Variants in ARHGAP15 observed in about 807,000 individuals in gnomAD.
The protein encoded by ARHGAP15 is Rho GTPase activating protein 15.
A neutral mutation model predicts 63.7 loss-of-function variants in ARHGAP15; 51 were observed. The observed-to-expected ratio is 0.80, with a 90% confidence interval of 0.64 to 1.01. The LOEUF (loss-of-function observed/expected upper bound fraction) is 1.01. ARHGAP15 is among the 50% of genes least tolerant of loss of function. The probability of loss-of-function intolerance (pLI) is 0.00; values close to 1 mark genes in which losing one functional copy is unlikely to be tolerated. For synonymous variants in ARHGAP15, 191 were observed against 193.8 expected, an observed-to-expected ratio of 0.99 and a Z score of 0.12; for missense variants, 560 against 564.6, an observed-to-expected ratio of 0.99 and a Z score of 0.08.
chr2:143,552,122 T>C (rs1574623851), intron 10 of ARHGAP15, among the ~76,000 whole-genome samples: 1 of 152,326 alleles, frequency 6.6e-6, no homozygotes, highest in East Asian at 1.9e-4. Flanking sequence ...TCTGGCCTCC[T>C]AGGAATTAGG....
chr2:143,400,784 A>G (rs1687958286), intron 6 of ARHGAP15, among the ~76,000 whole-genome samples: 1 of 152,038 alleles, frequency 6.6e-6, no homozygotes, highest in Non-Finnish European at 1.5e-5. Flanking sequence ...AGAAAATTGC[A>G]GGGTATTGTT....
intron 6 of ARHGAP15, among the ~76,000 whole-genome samples, chr2:143,304,426 G>T (rs1166930230): frequency 1.4e-5 from 2 of 138,686 alleles, no homozygotes; most frequent in African/African-American, 5.0e-5. Context: ...GACACAGGAA[G>T]GGGAACATCA....
In ARHGAP15 at chr2:143,588,183, C is replaced by A. The variant is rs148868605; in HGVS notation, c.1003+31698C>A. Reference sequence around the variant, plus strand: ...GAAGCCAATGGCACCTGCTGTCTACCCCTCCATCTAACTTTCTTCCCTTTA... The same window carrying A: ...GAAGCCAATGGCACCTGCTGTCTACACCTCCATCTAACTTTCTTCCCTTTA... On this transcript the variant is annotated intron_variant, in intron 11 of 13. Coordinates refer to ENST00000295095, the MANE Select transcript of ARHGAP15 (RefSeq NM_018460.4). 9.2e-3 allele frequency among the ~76,000 whole-genome samples: 1,394 copies of A among 152,194 alleles called. 22 individuals are homozygous for A. The highest frequency in any genetic ancestry group is 0.032 in the African/African-American group (1,316 of 41,536).
intron 6 of ARHGAP15, among the ~76,000 whole-genome samples, chr2:143,394,859 T>C (rs1687691036): frequency 6.6e-6 from 1 of 152,168 alleles, no homozygotes; most frequent in South Asian, 2.1e-4. Context: ...CAGCTGATTA[T>C]CTTGCTATGT....
chr2:143,522,804 AG>A (rs1455779791), intron 10 of ARHGAP15, among the ~76,000 whole-genome samples: 3 of 152,180 alleles, frequency 2.0e-5, no homozygotes, highest in Admixed American at 2.0e-4. Flanking sequence ...CTTGATGTAG[AG>A]GAAGGCATTG....
At chr2:143,134,143 CTATCTATCTACCTAT>C (rs1689034408) in intron 1 of ARHGAP15, among the ~76,000 whole-genome samples, 7 of 32,254 alleles carry the variant, frequency 2.2e-4, no homozygotes, top group African/African-American at 4.2e-4. Context: ...ATCTATCTAT[CTATCTATCTACCTAT>C]CTATCTATCA....
At chr2:143,573,950 G>GA (rs1252198945) in intron 11 of ARHGAP15, among the ~76,000 whole-genome samples, 2 of 152,040 alleles carry the variant, frequency 1.3e-5, no homozygotes, top group South Asian at 2.1e-4. Flanking sequence ...ATTGAGAGGA[G>GA]AAAAAAATAT....
At chr2:143,592,789 A>T (rs1173510894) in intron 11 of ARHGAP15, among the ~76,000 whole-genome samples, 1 of 152,232 alleles carries the variant, frequency 6.6e-6, no homozygotes, top group African/African-American at 2.4e-5. Context: ...TATTGTAGCC[A>T]ATATGAACCA....
chr2:143,283,181 A>C (rs7605182), intron 6 of ARHGAP15, among the ~76,000 whole-genome samples: 23,881 of 152,108 alleles, frequency 0.16, 2,127 homozygotes, highest in Admixed American at 0.29. Flanking sequence ...CAAACTTGTA[A>C]ATTTTTGCCA....
chr2:143,184,196 A>G (rs1343527882), intron 2 of ARHGAP15, among the ~76,000 whole-genome samples: 1 of 152,202 alleles, frequency 6.6e-6, no homozygotes, highest in Non-Finnish European at 1.5e-5. Flanking sequence ...ATTCTTGGTG[A>G]GGCAAAAGTC....
intron 6 of ARHGAP15, among the ~76,000 whole-genome samples, chr2:143,260,411 C>A (rs1289719377): frequency 6.6e-6 from 1 of 152,034 alleles, no homozygotes; most frequent in Non-Finnish European, 1.5e-5. Flanking sequence ...ATATAGATCA[C>A]AAGTCTTTGA....
chr2:143,463,269 C>T (rs1046118710), intron 8 of ARHGAP15, among the ~76,000 whole-genome samples: 10 of 151,912 alleles, frequency 6.6e-5, no homozygotes, highest in Non-Finnish European at 1.3e-4. Context: ...AGGCCGGGTG[C>T]GGTGGCTCAC....
chr2:143,484,357 C>A (rs1033050305), intron 8 of ARHGAP15, among the ~76,000 whole-genome samples: 2 of 113,722 alleles, frequency 1.8e-5, no homozygotes, highest in Admixed American at 2.0e-4. Context: ...CAGAGAGAGA[C>A]TCCATCTCAA....
chr2:143,510,994 T>A lies in ARHGAP15; in HGVS notation c.827-8272T>A, dbSNP rs1034536979. Among the ~76,000 whole-genome samples, 8 of 152,234 alleles carry A rather than the reference T, an allele frequency of 5.3e-5. 1 individual carries two copies. Among genetic ancestry groups the A allele is most frequent in the Non-Finnish European group, 2.9e-5 (2 of 68,046 alleles). ...TCTATTGAGCAGTTGTCCTCATAGT[T>A]TTGATTCATTTGGAATCTGACTGAC... is the stretch of plus-strand genomic sequence containing the variant. On this transcript the variant is annotated intron_variant, in intron 9 of 13. Coordinates refer to ENST00000295095, the MANE Select transcript of ARHGAP15 (RefSeq NM_018460.4).
chr2:143,510,938 A>C (rs1407804551), intron 9 of ARHGAP15, among the ~76,000 whole-genome samples: 1 of 152,198 alleles, frequency 6.6e-6, no homozygotes, highest in African/African-American at 2.4e-5. Context: ...ATGATGATAA[A>C]ACCGTCACAT....
intron 8 of ARHGAP15, among the ~76,000 whole-genome samples, chr2:143,471,173 A>AATATGTGTGTGTATATATACACAC (rs1691539432): frequency 2.1e-5 from 3 of 145,466 alleles, no homozygotes; most frequent in Non-Finnish European, 4.5e-5. Context: ...AGAGGATATG[A>AATATGTGTGTGTATATATACACAC]ATATGTGTGT....
intron 13 of ARHGAP15, 139 bp downstream of exon 13, chr2:143,703,663 G>A: frequency 1.6e-6 from 1 of 617,060 alleles, no homozygotes; most frequent in Admixed American, 3.4e-5. Context: ...AGGTCTTTCT[G>A]CAGAAGCTGG....
intron 6 of ARHGAP15, among the ~76,000 whole-genome samples, chr2:143,404,498 A>T (rs1688118797): frequency 6.6e-6 from 1 of 151,948 alleles, no homozygotes; most frequent in African/African-American, 2.4e-5. Context: ...TTTCAGGAGC[A>T]TGTTTATCAC....
chr2:143,760,189 G>GT (rs1322265261), intron 13 of ARHGAP15, among the ~76,000 whole-genome samples: 2 of 152,084 alleles, frequency 1.3e-5, no homozygotes, highest in African/African-American at 4.8e-5. Flanking sequence ...AGTTCCCAGT[G>GT]TTTATTATAC....
Sources: allele counts gnomAD v4.1 joint callset (sites outside exome capture counted in the v4.1 genomes callset), GRCh38; gene constraint gnomAD v4.1.1; transcripts MANE v1.5; gene names NCBI Gene and HGNC (gene_info 2026-07-23, HGNC 2026-07-21).